Variants in CDIN1 observed in about 807,000 individuals in gnomAD.
CDIN1 encodes the protein CDAN1-interacting nuclease 1.
CDIN1 carries 33 observed loss-of-function variants against 45.3 expected under a neutral mutation model. That is an observed-to-expected ratio of 0.73 (90% CI 0.55 to 0.97). The LOEUF is 0.97. CDIN1 is among the 50% of genes least tolerant of loss of function. The pLI is 0.00. For synonymous variants in CDIN1, 118 were observed against 124.4 expected (o/e 0.95, Z 0.34); for missense variants, 303 against 339.4 (o/e 0.89, Z 0.84).
intron 1 of CDIN1, among the ~76,000 whole-genome samples, chr15:36,633,603 A>G (rs1193319673): frequency 6.6e-6 from 1 of 152,044 alleles, no homozygotes; most frequent in Non-Finnish European, 1.5e-5. Context: ...TTTGTTAGCT[A>G]TTCTTATGTA....
intron 9 of CDIN1, 43 bp from the exon 10 acceptor site, chr15:36,709,813 T>C (rs1415895163): frequency 6.6e-7 from 1 of 1,521,852 alleles, no homozygotes; most frequent in Non-Finnish European, 9.1e-7. Context: ...ATTTTCAATC[T>C]TCCCCTCCCT....
chr15:36,649,138 G>C (rs2040472528), intron 3 of CDIN1, among the ~76,000 whole-genome samples: 1 of 152,140 alleles, frequency 6.6e-6, no homozygotes, highest in African/African-American at 2.4e-5. Context: ...ATTCCATAAA[G>C]ACATAATCAG....
intron 3 of CDIN1, among the ~76,000 whole-genome samples, chr15:36,647,224 C>T (rs1340896891): frequency 1.3e-5 from 2 of 151,894 alleles, no homozygotes; most frequent in Non-Finnish European, 2.9e-5. Context: ...CAGGGTCTTG[C>T]TACTTTGCCC....
intron 10 of CDIN1, among the ~76,000 whole-genome samples, chr15:36,753,841 C>T (rs1164534838): frequency 6.6e-6 from 1 of 151,818 alleles, no homozygotes; most frequent in Non-Finnish European, 1.5e-5. Context: ...CAGAAAAGGA[C>T]TAAAAAGAAC....
At chr15:36,723,605 A>C (rs1482199577) in intron 10 of CDIN1, among the ~76,000 whole-genome samples, 1 of 152,166 alleles carries the variant, frequency 6.6e-6, no homozygotes, top group Non-Finnish European at 1.5e-5. Context: ...TCACTTTGTC[A>C]GCCAGGCTAG....
intron 1 of CDIN1, among the ~76,000 whole-genome samples, chr15:36,633,064 A>G (rs1186429809): frequency 1.3e-5 from 2 of 152,214 alleles, no homozygotes; most frequent in Admixed American, 1.3e-4. Context: ...AATCTTAAAG[A>G]TCAATTTATC....
intron 5 of CDIN1, among the ~76,000 whole-genome samples, chr15:36,688,092 AAG>A (rs1475480636): frequency 6.6e-6 from 1 of 152,116 alleles, no homozygotes; most frequent in South Asian, 2.1e-4. Context: ...AAAATAGTAA[AAG>A]AGTAATGTGG....
chr15:36,713,705 G>A (rs2043132145), intron 10 of CDIN1, among the ~76,000 whole-genome samples: 1 of 152,136 alleles, frequency 6.6e-6, no homozygotes, highest in South Asian at 2.1e-4. Context: ...TACCACTGAT[G>A]AAGTTTAGAA....
chr15:36,721,712 A>G (rs995921223), intron 10 of CDIN1, among the ~76,000 whole-genome samples: 89 of 152,052 alleles, frequency 5.9e-4, no homozygotes, highest in African/African-American at 1.9e-3. Flanking sequence ...CTTTACATAT[A>G]TGCACTTATC....
Position 36,579,681 on chromosome 15 carries a change from G to C in CDIN1, c.-180G>C, listed in dbSNP as rs2036944391. ...AGGTGCCGGTGGAGCCTGGGACCGG[G>C]CGAGTCTCCGCCCCGCTTTTGCAGC... is the stretch of plus-strand genomic sequence containing the variant. On this transcript the variant is annotated 5_prime_UTR_variant, in exon 1 of 11. Coordinates refer to ENST00000566621, the MANE Select transcript of CDIN1 (RefSeq NM_001321759.2). 3.5e-6 allele frequency: 2 copies of C among 567,366 alleles called. No homozygotes were observed. Among genetic ancestry groups the C allele is most frequent in the East Asian group, 3.0e-5 (1 of 33,820 alleles). The allele number at this position is 567,366 out of a possible 1,614,324, so 35.1% of individuals were successfully genotyped here.
chr15:36,708,993 A>C, intron 8 of CDIN1: 1 of 368,668 alleles, frequency 2.7e-6, no homozygotes, highest in East Asian at 4.2e-5. Context: ...CGTGATGTTT[A>C]TAATAACGAA....
At position 36,797,785 on chromosome 15, in the gene CDIN1, GC is replaced by G. The variant is rs529921896; in HGVS notation, c.717-10537del. On this transcript the variant is annotated intron_variant, in intron 10 of 10. Transcript: ENST00000566621. ...ACCTGAGGTGAGGCGTTCAAGACGA[GC>G]CTTGCCAACATGGTGAAACCCCGTC... Among the ~76,000 whole-genome samples, 389 of 152,122 alleles carry G rather than the reference GC, an allele frequency of 2.6e-3. 2 individuals carry two copies. Among genetic ancestry groups the G allele is most frequent in the African/African-American group, 8.9e-3 (368 of 41,476 alleles).
At chr15:36,738,667 G>C (rs2044121415) in intron 10 of CDIN1, among the ~76,000 whole-genome samples, 1 of 152,156 alleles carries the variant, frequency 6.6e-6, no homozygotes, top group South Asian at 2.1e-4. Context: ...GTAGCTCACT[G>C]TCCAAAGTCA....
At chr15:36,807,504 C>A (rs2055269431) in intron 10 of CDIN1, among the ~76,000 whole-genome samples, 1 of 152,132 alleles carries the variant, frequency 6.6e-6, no homozygotes, top group South Asian at 2.1e-4. Flanking sequence ...TCTTTATGAA[C>A]CCAGCCTAAA....
chr15:36,646,569 A>T (rs984836056), intron 3 of CDIN1, among the ~76,000 whole-genome samples: 2 of 152,218 alleles, frequency 1.3e-5, no homozygotes, highest in African/African-American at 4.8e-5. Context: ...CCTAAATTAT[A>T]CATATGAAAT....
chr15:36,672,574 T>C (rs1029238379), intron 5 of CDIN1, among the ~76,000 whole-genome samples: 2 of 151,374 alleles, frequency 1.3e-5, no homozygotes, highest in Non-Finnish European at 2.9e-5. Flanking sequence ...TGAACACCTG[T>C]GTGTATAAAG....
chr15:36,692,282 C>A, intron 7 of CDIN1, 107 bp downstream of exon 7: 1 of 1,012,520 alleles, frequency 9.9e-7, no homozygotes, highest in South Asian at 1.6e-5. Flanking sequence ...AAACACATTT[C>A]ATACTCTTCT....
intron 5 of CDIN1, among the ~76,000 whole-genome samples, chr15:36,674,440 A>G (rs1330628275): frequency 6.6e-6 from 1 of 152,132 alleles, no homozygotes; most frequent in Non-Finnish European, 1.5e-5. Flanking sequence ...CTTTTGCAAA[A>G]AGATTTCTTT....
intron 10 of CDIN1, among the ~76,000 whole-genome samples, chr15:36,797,979 C>CAAAAAAAAAAAAAAAAA (rs570630838): frequency 1.8e-5 from 1 of 55,266 alleles, no homozygotes; most frequent in African/African-American, 6.9e-5. Context: ...GACTCCATCT[C>CAAAAAAAAAAAAAAAAA]AAAAAAAAAA....
Sources: allele counts gnomAD v4.1 joint callset (sites outside exome capture counted in the v4.1 genomes callset), GRCh38; gene constraint gnomAD v4.1.1; transcripts MANE v1.5; gene names NCBI Gene and HGNC (gene_info 2026-07-23, HGNC 2026-07-21).